Variants in NCOR2 observed in about 807,000 individuals in gnomAD.
The protein encoded by NCOR2 is CTG repeat protein 26.
NCOR2 carries 81 observed loss-of-function variants against 262.9 expected under a neutral mutation model. That is an observed-to-expected ratio of 0.31 (90% CI 0.26 to 0.37). The LOEUF is 0.37. Among genes scored for constraint, NCOR2 ranks in the 10% least tolerant of loss-of-function variants. The pLI, the probability that NCOR2 is intolerant of heterozygous loss-of-function variation, is 1.00. For missense variants in NCOR2, 3,385 were observed against 3,621.4 expected (o/e 0.93, Z 1.68); for synonymous variants, 1,659 against 1,559.3 (o/e 1.06, Z -1.51).
chr12:124,565,222 G>A (rs940985053), intron 1 of NCOR2, among the ~76,000 whole-genome samples: 14 of 152,108 alleles, frequency 9.2e-5, no homozygotes, highest in Admixed American at 3.9e-4. Context: ...AGTGGGAAGA[G>A]GCCAGGGCTG....
At chr12:124,369,006 T>C (rs1359298327) in intron 20 of NCOR2, among the ~76,000 whole-genome samples, 1 of 152,248 alleles carries the variant, frequency 6.6e-6, no homozygotes, top group Non-Finnish European at 1.5e-5. Context: ...GGGTGACCTC[T>C]AGGGGGTGTC....
chr12:124,481,047 G>C lies in NCOR2; in HGVS notation c.411+2549C>G, dbSNP rs2047441950. On this transcript the variant is annotated intron_variant, in intron 3 of 46. Coordinates refer to ENST00000405201, the Ensembl canonical transcript of NCOR2. The surrounding 1 kb of genome is among the most constrained non-coding windows in gnomAD (Gnocchi z 4.6). ...TGGCTGGGAGTGGCTCTGTGGTAGG[G>C]AGGTTGCCCCAGGGGATGAGCAGGG... Among the ~76,000 whole-genome samples, 1 of 151,802 alleles carries C rather than the reference G, an allele frequency of 6.6e-6. No individual in the cohort carries two copies. The highest frequency in any genetic ancestry group is 6.6e-5 in the Admixed American group (1 of 15,242).
rs1176306504 is a variant in NCOR2, at chr12:124,436,841, G to A, written c.882+1089C>T. Reference sequence around the variant, plus strand: ...CAGTGCTCACACCTGTGATCCCAGCGCTTTGGGAGGCCGAGGCGGGTGCAT... The same window carrying A: ...CAGTGCTCACACCTGTGATCCCAGCACTTTGGGAGGCCGAGGCGGGTGCAT... On this transcript the variant is annotated intron_variant, in intron 8 of 46. Transcript: ENST00000405201. Among the ~76,000 whole-genome samples the A allele has an allele frequency of 2.0e-5, 3 of 152,164 alleles. No homozygotes were observed. In the East Asian group the frequency reaches 5.8e-4, roughly 29 times the overall value.
chr12:124,495,482 G>A (rs2048329830), upstream of NCOR2: 4 of 713,748 alleles, frequency 5.6e-6, no homozygotes, highest in Admixed American at 3.4e-5. The surrounding 1 kb of genome is among the most constrained non-coding windows in gnomAD (Gnocchi z 4.4). Context: ...GCACCCAGGG[G>A]CCTGCCTGGA....
rs775633493 is a variant in NCOR2, at chr12:124,372,387, C to G, written c.2442G>C (p.Ser814=). Residue 814 remains serine (S), a synonymous_variant, in exon 20 of 47, where the codon TCG becomes TCC. Transcript: ENST00000405201. Reference sequence around the variant, plus strand: ...GGACCACAGGAGGAGGTGCAGAGGGCGATGGGGGTGCTGGTGGGGGCGTAG... The same window carrying G: ...GGACCACAGGAGGAGGTGCAGAGGGGGATGGGGGTGCTGGTGGGGGCGTAG... 4 of 1,493,192 alleles carry G rather than the reference C, an allele frequency of 2.7e-6. No individual in the cohort carries two copies. In the Admixed American group the frequency reaches 9.1e-5, roughly 34 times the overall value. The allele number at this position is 1,493,192 out of a possible 1,614,324, so 92.5% of individuals were successfully genotyped here.
chr12:124,397,047 G>A (rs773787841), intron 16 of NCOR2, among the ~76,000 whole-genome samples: 59 of 152,162 alleles, frequency 3.9e-4, no homozygotes, highest in Non-Finnish European at 7.5e-4. Context: ...CACCAGCTCC[G>A]GAACCCGTGG....
intron 22 of NCOR2, among the ~76,000 whole-genome samples, chr12:124,358,137 G>A (rs2038149086): frequency 1.3e-5 from 2 of 151,374 alleles, no homozygotes; most frequent in Non-Finnish European, 2.9e-5. Flanking sequence ...GGATGTGTGT[G>A]TGTGCATGGA....
chr12:124,478,580 C>T (rs888305318), intron 3 of NCOR2, among the ~76,000 whole-genome samples: 4 of 152,126 alleles, frequency 2.6e-5, no homozygotes, highest in African/African-American at 7.2e-5. Context: ...AACTCGCTCT[C>T]CCAGGCATCT....
At chr12:124,384,357 C>T (rs776808373) in intron 17 of NCOR2, among the ~76,000 whole-genome samples, 6 of 152,218 alleles carry the variant, frequency 3.9e-5, no homozygotes, top group Non-Finnish European at 7.3e-5. Flanking sequence ...CCCGAAGCAT[C>T]CAGAAGGAAA....
chr12:124,334,359 G>C, intron 41 of NCOR2, 65 bp downstream of exon 43: 1 of 1,242,222 alleles, frequency 8.1e-7, no homozygotes, highest in Non-Finnish European at 1.1e-6. Flanking sequence ...CCAGCTCTGA[G>C]GCAGGCAGCT....
At chr12:124,374,333 T>C in intron 19 of NCOR2, 80 bp downstream of exon 21, 4 of 1,428,020 alleles carry the variant, frequency 2.8e-6, no homozygotes. Context: ...AGAAGCGGGG[T>C]TCCTTGTGGA....
At chr12:124,398,807 G>T (rs969185019) in intron 15 of NCOR2, among the ~76,000 whole-genome samples, 8 of 152,260 alleles carry the variant, frequency 5.3e-5, no homozygotes, top group Non-Finnish European at 1.0e-4. Flanking sequence ...TGGCGGAGAA[G>T]CCCTGCTCCA....
intron 46 of NCOR2, 113 bp downstream of exon 48, chr12:124,326,078 C>A (rs910494030): frequency 5.7e-6 from 7 of 1,218,590 alleles, no homozygotes; most frequent in Admixed American, 6.8e-5. Context: ...ACAGAACAGG[C>A]CCGAGTCTGA....
At chr12:124,488,162 A>G (rs2136841939) in intron 1 of NCOR2, among the ~76,000 whole-genome samples, 1 of 152,222 alleles carries the variant, frequency 6.6e-6, no homozygotes. Flanking sequence ...TTGCAAAGAG[A>G]ATCAGAGACA....
At chr12:124,357,394 T>A (rs1311185321) in intron 22 of NCOR2, among the ~76,000 whole-genome samples, 1 of 152,212 alleles carries the variant, frequency 6.6e-6, no homozygotes, top group Non-Finnish European at 1.5e-5. Flanking sequence ...GTTCAAGGGA[T>A]CTTCCCACTT....
At chr12:124,385,562 T>C (rs939260845) in intron 17 of NCOR2, among the ~76,000 whole-genome samples, 183 bp downstream of exon 19, 5 of 152,012 alleles carry the variant, frequency 3.3e-5, no homozygotes, top group African/African-American at 7.2e-5. Flanking sequence ...CATAGCAGCA[T>C]TGCCGCCTGC....
At chr12:124,475,243 C>A (rs1276010356) in intron 3 of NCOR2, among the ~76,000 whole-genome samples, 1 of 152,136 alleles carries the variant, frequency 6.6e-6, no homozygotes, top group African/African-American at 2.4e-5. Flanking sequence ...CCAATGCAGT[C>A]CTCCATGCTC....
At chr12:124,535,024 C>G (rs954155762) in intron 1 of NCOR2, among the ~76,000 whole-genome samples, 1 of 152,248 alleles carries the variant, frequency 6.6e-6, no homozygotes, top group African/African-American at 2.4e-5. Context: ...AACAGAGATA[C>G]AGAGAGATAA....
At chr12:124,327,286 A>G in intron 45 of NCOR2, 123 bp downstream of exon 47, 1 of 815,564 alleles carries the variant, frequency 1.2e-6, no homozygotes, top group Non-Finnish European at 1.9e-6. Context: ...TCAAACACGC[A>G]CAAAAATAAA....
Sources: allele counts gnomAD v4.1 joint callset (sites outside exome capture counted in the v4.1 genomes callset), GRCh38; gene constraint gnomAD v4.1.1; non-coding constraint Gnocchi (gnomAD v3.1); transcripts MANE v1.5; gene names NCBI Gene and HGNC (gene_info 2026-07-23, HGNC 2026-07-21).